GPC6: variants seen among roughly 807,000 people sequenced by gnomAD.
The protein encoded by GPC6 is glypican-6.
GPC6 carries 14 observed loss-of-function variants against 55.2 expected under a neutral mutation model. The observed-to-expected ratio is 0.25, with a 90% CI of 0.17 to 0.40. The LOEUF is 0.40. GPC6 is among the 10% of genes least tolerant of loss of function. The pLI is 1.00. For synonymous variants in GPC6, 278 were observed against 259.6 expected (o/e 1.07, Z -0.68); for missense variants, 641 against 708.5 (o/e 0.90, Z 1.08).
intron 3 of GPC6, among the ~76,000 whole-genome samples, chr13:93,855,788 G>A (rs537700848): frequency 1.5e-4 from 22 of 151,642 alleles, no homozygotes; most frequent in Middle Eastern, 3.4e-3. Context: ...GCATCTTTTC[G>A]TATGCTTATT....
chr13:93,396,598 A>G (rs1269243529), intron 1 of GPC6, among the ~76,000 whole-genome samples: 2 of 151,656 alleles, frequency 1.3e-5, no homozygotes, highest in Non-Finnish European at 2.9e-5. Context: ...TAATAATAAT[A>G]ATAGAACTAT....
chr13:93,824,635 A>C (rs537379739), intron 2 of GPC6, among the ~76,000 whole-genome samples: 1 of 152,186 alleles, frequency 6.6e-6, no homozygotes, highest in East Asian at 1.9e-4. Flanking sequence ...GTAGGTACAC[A>C]TGAACTTGGA....
chr13:94,050,943 T>A (rs1883926278), intron 4 of GPC6, among the ~76,000 whole-genome samples: 1 of 152,170 alleles, frequency 6.6e-6, no homozygotes, highest in Non-Finnish European at 1.5e-5. Flanking sequence ...CTATTGGTCA[T>A]GAGCTGAACC....
At chr13:93,914,147 T>A (rs1276449658) in intron 3 of GPC6, among the ~76,000 whole-genome samples, 1 of 152,210 alleles carries the variant, frequency 6.6e-6, no homozygotes, top group African/African-American at 2.4e-5. Flanking sequence ...ACATGTGCCA[T>A]GTTGGTGTGC....
At chr13:93,323,983 T>C (rs1052549800) in intron 1 of GPC6, among the ~76,000 whole-genome samples, 3 of 152,096 alleles carry the variant, frequency 2.0e-5, no homozygotes, top group Non-Finnish European at 4.4e-5. Context: ...GAAGGAGATA[T>C]CTGCACAACC....
intron 2 of GPC6, among the ~76,000 whole-genome samples, chr13:93,828,004 AT>A (rs60946886): frequency 0.11 from 16,617 of 149,842 alleles, 1,005 homozygotes; most frequent in Non-Finnish European, 0.15. Context: ...GTATCAGAGA[AT>A]TTTTTTTTTT....
At chr13:94,257,873 G>A (rs942420425) in intron 4 of GPC6, among the ~76,000 whole-genome samples, 1 of 152,178 alleles carries the variant, frequency 6.6e-6, no homozygotes, top group African/African-American at 2.4e-5. Flanking sequence ...ACAACAAAGA[G>A]TGGGTAGAGT....
intron 1 of GPC6, among the ~76,000 whole-genome samples, chr13:93,452,576 T>C (rs928830819): frequency 7.9e-5 from 12 of 152,236 alleles, no homozygotes; most frequent in Admixed American, 7.9e-4. Flanking sequence ...AAGCCTCAAG[T>C]GGAAGCTATA....
At chr13:94,397,467 C>G (rs1880941818) in intron 7 of GPC6, among the ~76,000 whole-genome samples, 1 of 152,180 alleles carries the variant, frequency 6.6e-6, no homozygotes, top group Admixed American at 6.5e-5. Flanking sequence ...TTTTACCCTT[C>G]TGTTTTACTG....
At chr13:93,563,909 G>T (rs1031281563) in intron 2 of GPC6, among the ~76,000 whole-genome samples, 2 of 151,948 alleles carry the variant, frequency 1.3e-5, no homozygotes, top group African/African-American at 2.4e-5. Context: ...TAGGTTTTTG[G>T]GGAACAGGTA....
chr13:94,061,777 G>T (rs1025233866), intron 4 of GPC6, among the ~76,000 whole-genome samples: 1 of 151,068 alleles, frequency 6.6e-6, no homozygotes. Context: ...ATCCATCGGG[G>T]AGAGTCAGCC....
At chr13:93,630,750 A>G (rs1029125512) in intron 2 of GPC6, among the ~76,000 whole-genome samples, 5 of 152,198 alleles carry the variant, frequency 3.3e-5, no homozygotes, top group Admixed American at 1.3e-4. Flanking sequence ...TTTTATTTTA[A>G]GAATTTTTGA....
At chr13:94,401,651 T>C (rs1265689835) in intron 8 of GPC6, among the ~76,000 whole-genome samples, 2 of 29,634 alleles carry the variant, frequency 6.7e-5, no homozygotes, top group African/African-American at 2.6e-4. Flanking sequence ...CGTGATAATA[T>C]GTATGTGAAC....
intron 1 of GPC6, among the ~76,000 whole-genome samples, chr13:93,485,139 T>G (rs1283133642): frequency 6.6e-6 from 1 of 152,172 alleles, no homozygotes; most frequent in Non-Finnish European, 1.5e-5. Context: ...TTTAAAGGAA[T>G]TAATTCTTGG....
At chr13:93,600,479 T>A (rs974082282) in intron 2 of GPC6, among the ~76,000 whole-genome samples, 3 of 152,158 alleles carry the variant, frequency 2.0e-5, no homozygotes, top group African/African-American at 7.2e-5. Flanking sequence ...TTAAACTTTC[T>A]AAGAGTGGGG....
In GPC6 at chr13:94,182,828, G is replaced by A. The variant is rs192934936; in HGVS notation, c.878-103521G>A. On this transcript the variant is annotated intron_variant, in intron 4 of 8. Transcript: ENST00000377047. The stretch of plus-strand genomic sequence containing the variant: ...GGTCTCACTCTGTCACCCAGGCTCC[G>A]TCAGTGGCACAAACAGGGTTCACTA... 3.1e-4 allele frequency among the ~76,000 whole-genome samples: 47 copies of A among 152,114 alleles called. 1 individual carries two copies. The highest frequency in any genetic ancestry group is 1.0e-3 in the African/African-American group (43 of 41,516).
chr13:94,310,281 TA>T (rs1016191929), intron 6 of GPC6, among the ~76,000 whole-genome samples: 1 of 151,702 alleles, frequency 6.6e-6, no homozygotes, highest in African/African-American at 2.4e-5. Context: ...AAAGTAAATT[TA>T]AAAAAAAAGC....
intron 4 of GPC6, among the ~76,000 whole-genome samples, chr13:94,110,771 A>C (rs1886218186): frequency 6.6e-6 from 1 of 152,190 alleles, no homozygotes; most frequent in Admixed American, 6.5e-5. Context: ...AGAAGTGAAA[A>C]TACTAGCAGA....
intron 3 of GPC6, among the ~76,000 whole-genome samples, chr13:93,969,800 A>G (rs1375494598): frequency 6.6e-6 from 1 of 151,732 alleles, no homozygotes; most frequent in Admixed American, 6.6e-5. Context: ...TTTAGCTCCC[A>G]CATGTGAATG....
Sources: allele counts gnomAD v4.1 joint callset (sites outside exome capture counted in the v4.1 genomes callset), GRCh38; gene constraint gnomAD v4.1.1; transcripts MANE v1.5; gene names NCBI Gene and HGNC (gene_info 2026-07-23, HGNC 2026-07-21).